TRIM29: variants seen among roughly 807,000 people sequenced by gnomAD.
The protein encoded by TRIM29 is tripartite motif containing 29.
A neutral mutation model predicts 57.3 loss-of-function variants in TRIM29; 52 were observed. The observed-to-expected ratio is 0.91, with a 90% CI of 0.73 to 1.14. TRIM29 has a LOEUF of 1.14. Ranked by LOEUF, TRIM29 falls within the 50% of genes most tolerant of loss-of-function variation. The pLI, the probability that TRIM29 is intolerant of heterozygous loss-of-function variation, is 0.00. For synonymous variants in TRIM29, 319 were observed against 316.9 expected (o/e 1.01, Z -0.07); for missense variants, 753 against 774.6 (o/e 0.97, Z 0.33).
chr11:120,135,170 G>C (rs1407051445), intron 1 of TRIM29, among the ~76,000 whole-genome samples: 1 of 152,184 alleles, frequency 6.6e-6, no homozygotes, highest in Non-Finnish European at 1.5e-5. Flanking sequence ...GGCTTAAGCA[G>C]AGATATCCTT....
chr11:120,129,811 G>A (rs1169454228), intron 1 of TRIM29, among the ~76,000 whole-genome samples: 1 of 152,084 alleles, frequency 6.6e-6, no homozygotes, highest in Non-Finnish European at 1.5e-5. Flanking sequence ...TTGAATCCCT[G>A]GCCTCCCCGC....
intron 4 of TRIM29, chr11:120,124,586 C>A (rs1466318189): frequency 2.0e-5 from 3 of 152,198 alleles, no homozygotes; most frequent in Non-Finnish European, 4.4e-5. Flanking sequence ...CAGTGAAATG[C>A]CCGGCATCGA....
chr11:120,131,012 C>G lies in TRIM29; in HGVS notation c.805-2517G>C, dbSNP rs571855630. ...CACTGGGCTGAATGCAAGAGGGAAG[C>G]GTAGCTCATGGATAATTGAAGATTG... is the stretch of plus-strand genomic sequence containing the variant. On this transcript the variant is annotated intron_variant, in intron 1 of 8. Coordinates refer to ENST00000341846, the MANE Select transcript of TRIM29 (RefSeq NM_012101.4). Among the ~76,000 whole-genome samples the G allele has an allele frequency of 2.6e-4, 39 of 152,152 alleles. No individual in the cohort carries two copies. In the South Asian group the frequency reaches 6.9e-3, roughly 27 times the overall value.
chr11:120,121,711 C>T (rs564202136), intron 5 of TRIM29: 15 of 248,204 alleles, frequency 6.0e-5, no homozygotes, highest in African/African-American at 3.1e-4. Context: ...ATAGTGGGTG[C>T]TGCTGTTCCC....
intron 1 of TRIM29, among the ~76,000 whole-genome samples, chr11:120,133,005 T>A (rs1307918131): frequency 6.6e-6 from 1 of 152,080 alleles, no homozygotes; most frequent in Non-Finnish European, 1.5e-5. Flanking sequence ...AGCACCCCCC[T>A]CAGTCTCCTC....
At position 120,137,989 on chromosome 11, in the gene TRIM29, C is replaced by T; in HGVS notation, c.43G>A (p.Glu15Lys). Residue 15 changes from glutamate to lysine, a missense_variant, in exon 1 of 9, where the codon GAA becomes AAA. Physicochemically the swap from Glu to Lys is moderately conservative, Grantham distance 56. Coordinates refer to ENST00000341846, the MANE Select transcript of TRIM29 (RefSeq NM_012101.4). The surrounding 1 kb of genome is among the most constrained non-coding windows in gnomAD (Gnocchi z 6.2). ...DASRSNGSSP[E>K]ARDARSPSGP... The stretch of plus-strand genomic sequence containing the variant: ...GACGGGCTCCGGGCATCCCTGGCTT[C>T]TGGGCTCGACCCGTTGCTCCTGGAG... 1 of 1,603,434 alleles carries T rather than the reference C, an allele frequency of 6.2e-7. No individual in the cohort carries two copies.
chr11:120,130,407 C>A (rs1290443571), intron 1 of TRIM29, among the ~76,000 whole-genome samples: 1 of 152,184 alleles, frequency 6.6e-6, no homozygotes, highest in African/African-American at 2.4e-5. Context: ...AAGCAGAGAA[C>A]AAAACACAAT....
intron 8 of TRIM29, among the ~76,000 whole-genome samples, 158 bp from the exon 9 acceptor site, chr11:120,112,634 T>C (rs1036084685): frequency 6.6e-6 from 1 of 152,106 alleles, no homozygotes; most frequent in Admixed American, 6.5e-5. Flanking sequence ...ACCTACCCTG[T>C]GATCAGGGGC....
At chr11:120,118,032 T>C (rs1863322121) in intron 7 of TRIM29, 191 bp downstream of exon 7, 2 of 597,140 alleles carry the variant, frequency 3.3e-6, no homozygotes, top group Admixed American at 2.9e-5. Flanking sequence ...GAAACGCTGA[T>C]GTGGCCCAGC....
In TRIM29 at chr11:120,137,577, C is replaced by T. The variant is rs895385412; in HGVS notation, c.455G>A (p.Ser152Asn). The change falls in exon 1 of 9, where the codon AGC (serine) becomes AAC (asparagine). Residue 152 changes from serine to asparagine, a missense_variant. Transcript: ENST00000341846. This position sits in a 1 kb window ranked among gnomAD's most constrained non-coding sequence, Gnocchi z 6.2. Reference protein sequence around the residue: ...IMEPGETRRNSYPRADTGLFS... With the variant: ...IMEPGETRRNNYPRADTGLFS... ...AAGGCCCGTGTCGGCCCGGGGGTAGCTGTTCCGCCGGGTCTCCCCGGGCTC... is the reference window on the plus strand; with the variant it reads ...AAGGCCCGTGTCGGCCCGGGGGTAGTTGTTCCGCCGGGTCTCCCCGGGCTC... 7 of 1,612,588 alleles carry T rather than the reference C, an allele frequency of 4.3e-6. No individual in the cohort carries two copies. In the Admixed American group the frequency reaches 6.7e-5, roughly 15 times the overall value.
chr11:120,120,761 G>A (rs1275943662), intron 5 of TRIM29, 96 bp from the exon 6 acceptor site: 1 of 983,092 alleles, frequency 1.0e-6, no homozygotes, highest in East Asian at 2.6e-5. Context: ...CACAGGACCT[G>A]GATTCCACCA....
intron 1 of TRIM29, among the ~76,000 whole-genome samples, chr11:120,131,361 T>C (rs1863719176): frequency 6.6e-6 from 1 of 151,912 alleles, no homozygotes; most frequent in African/African-American, 2.4e-5. Context: ...CCATCCTGTG[T>C]AAGAGAACAA....
At chr11:120,115,974 A>G (rs1863257489) in intron 7 of TRIM29, 1 of 153,558 alleles carries the variant, frequency 6.5e-6, no homozygotes. Flanking sequence ...TGAGTTGCAC[A>G]GCTCATAAGC....
At chr11:120,121,814 G>A (rs562686821) in intron 5 of TRIM29, 34 of 349,178 alleles carry the variant, frequency 9.7e-5, no homozygotes, top group Admixed American at 5.9e-4. Context: ...CAGGGCACTC[G>A]ATGGCACCCC....
chr11:120,119,861 A>T (rs1249090550), intron 6 of TRIM29, among the ~76,000 whole-genome samples: 3 of 152,102 alleles, frequency 2.0e-5, no homozygotes, highest in Non-Finnish European at 4.4e-5. Context: ...GGTCTCCCAG[A>T]ACCAGGTCTC....
At chr11:120,128,572 A>G in intron 1 of TRIM29, 77 bp from the exon 2 acceptor site, 2 of 1,527,344 alleles carry the variant, frequency 1.3e-6, no homozygotes, top group Non-Finnish European at 1.8e-6. Flanking sequence ...GAGCGGCTCC[A>G]CTCAGGGGGC....
chr11:120,130,265 C>T (rs1249099446), intron 1 of TRIM29, among the ~76,000 whole-genome samples: 1 of 152,152 alleles, frequency 6.6e-6, no homozygotes, highest in Non-Finnish European at 1.5e-5. Flanking sequence ...CTGGAGAACT[C>T]CTGAGTGAAG....
In TRIM29 at chr11:120,129,942, G is replaced by A. The variant is rs573315398; in HGVS notation, c.805-1447C>T. On this transcript the variant is annotated intron_variant, in intron 1 of 8. Transcript: ENST00000341846. ...CATGGAAAATACCATCACCAGAGAT[G>A]GAAAAGAGGACCTAAGGAGATGAGG... 3.3e-5 allele frequency among the ~76,000 whole-genome samples: 5 copies of A among 152,238 alleles called. No individual in the cohort carries two copies. In the East Asian group the frequency reaches 9.7e-4, roughly 29 times the overall value.
Position 120,125,714 on chromosome 11 carries a change from A to G in TRIM29, c.1310T>C (p.Ile437Thr). The change falls in exon 4 of 9, where the codon ATT (isoleucine) becomes ACT (threonine). Residue 437 changes from isoleucine to threonine, a missense_variant. Transcript: ENST00000341846. ...ACCGTTCTCCATGTGGTTCCTCTCA[A>G]TGAAGTTACGGCTCAGGTCCGCCTT... The part of the protein sequence containing the change: ...MCKADLSRNF[I>T]ERNHMENGGD... The G allele has an allele frequency of 1.9e-6, 3 of 1,614,160 alleles. No homozygotes were observed. Among genetic ancestry groups the G allele is most frequent in the Non-Finnish European group, 2.5e-6 (3 of 1,180,036 alleles).
Sources: allele counts gnomAD v4.1 joint callset (sites outside exome capture counted in the v4.1 genomes callset), GRCh38; gene constraint gnomAD v4.1.1; non-coding constraint Gnocchi (gnomAD v3.1); transcripts MANE v1.5; gene names NCBI Gene and HGNC (gene_info 2026-07-23, HGNC 2026-07-21).